The following ATM variants were observed in gnomAD, a reference collection of about 807,000 sequenced individuals.
The protein encoded by ATM is ATM serine/threonine kinase.
In ATM, 308 loss-of-function variants were observed where a neutral mutation model predicts 387.0. That is an observed-to-expected ratio of 0.80 (90% CI 0.73 to 0.87). The LOEUF is 0.87. Among genes scored for constraint, ATM ranks in the 40% least tolerant of loss-of-function variants. The probability of loss-of-function intolerance (pLI) is 0.00; values close to 1 mark genes in which losing one functional copy is unlikely to be tolerated. For synonymous variants in ATM, 1,156 were observed against 1,187.3 expected, an observed-to-expected ratio of 0.97 and a Z score of 0.54; for missense variants, 3,312 against 3,560.9, an observed-to-expected ratio of 0.93 and a Z score of 1.78.
At chr11:108,245,218 CCTTT>C (rs944961226) in intron 7 of ATM, among the ~76,000 whole-genome samples, 192 bp downstream of exon 7, 10 of 152,084 alleles carry the variant, frequency 6.6e-5, no homozygotes, top group Non-Finnish European at 1.2e-4. Context: ...TTCTGTTATG[CCTTT>C]CTATTTGTTC....
chr11:108,276,918 C>G (rs563651189), intron 22 of ATM, among the ~76,000 whole-genome samples: 14 of 152,318 alleles, frequency 9.2e-5, no homozygotes, highest in African/African-American at 2.9e-4. Context: ...CTATTCTCTT[C>G]AGAGCTGGCA....
intron 39 of ATM, among the ~76,000 whole-genome samples, chr11:108,311,293 C>A (rs76637316): frequency 6.6e-6 from 1 of 151,988 alleles, no homozygotes; most frequent in Non-Finnish European, 1.5e-5. Flanking sequence ...TTTTTTAAAG[C>A]GGTTATACCC....
chr11:108,332,925 G>T (rs1249429262), intron 53 of ATM, 25 bp downstream of exon 53: 1 of 1,604,636 alleles, frequency 6.2e-7, no homozygotes. Context: ...AAGAAGAAAC[G>T]TTACTTTCTT....
At chr11:108,259,151 A>G in intron 16 of ATM, 76 bp downstream of exon 16, 1 of 1,163,372 alleles carries the variant, frequency 8.6e-7, no homozygotes, top group Non-Finnish European at 1.3e-6. Context: ...ATCTTTGTAA[A>G]TAAGGATGCA....
rs1389602914 is a variant in ATM, at chr11:108,360,013, T to G, written c.8851-5069T>G. Among the ~76,000 whole-genome samples, 184 of 151,858 alleles carry G rather than the reference T, an allele frequency of 1.2e-3. 1 individual carries two copies. Among genetic ancestry groups the G allele is most frequent in the Non-Finnish European group, 8.7e-4 (59 of 67,872 alleles). On this transcript the variant is annotated intron_variant, in intron 61 of 62. Transcript: ENST00000675843. The stretch of plus-strand genomic sequence containing the variant: ...AAAAATTAATGAATCCAGGAGCTGG[T>G]TTTTTGAAAGGATCAACAAAATTGA...
chr11:108,266,446 G>T (rs2081244577), intron 16 of ATM, among the ~76,000 whole-genome samples: 1 of 144,406 alleles, frequency 6.9e-6, no homozygotes, highest in African/African-American at 2.6e-5. Flanking sequence ...GAGATCACAT[G>T]GACACAGGAA....
chr11:108,277,899 C>T (rs915210468), intron 22 of ATM, among the ~76,000 whole-genome samples: 1 of 152,086 alleles, frequency 6.6e-6, no homozygotes, highest in East Asian at 1.9e-4. Context: ...AATATATTTA[C>T]TTCTCCGTAT....
At chr11:108,342,332 C>T (rs989233216) in intron 56 of ATM, among the ~76,000 whole-genome samples, 2 of 152,034 alleles carry the variant, frequency 1.3e-5, no homozygotes, top group Non-Finnish European at 2.9e-5. Flanking sequence ...TAGTATATAG[C>T]TGTTAAAATG....
chr11:108,251,659 G>A (rs890523824), intron 10 of ATM, among the ~76,000 whole-genome samples, 178 bp from the exon 11 acceptor site: 6 of 152,166 alleles, frequency 3.9e-5, no homozygotes, highest in Non-Finnish European at 7.4e-5. Context: ...ACTATGCACT[G>A]TTAATAAACG....
intron 29 of ATM, 139 bp downstream of exon 29, chr11:108,289,940 C>A: frequency 1.4e-6 from 1 of 724,254 alleles, no homozygotes; most frequent in Non-Finnish European, 2.3e-6. Flanking sequence ...TCACTGCATC[C>A]TCAACCTCCT....
intron 5 of ATM, among the ~76,000 whole-genome samples, chr11:108,240,877 CTTT>C (rs1018910063): frequency 3.7e-4 from 56 of 152,220 alleles, no homozygotes; most frequent in African/African-American, 1.3e-3. Flanking sequence ...GCTACTATAA[CTTT>C]TTTACTTTAT....
At position 108,257,364 on chromosome 11, in the gene ATM, C is replaced by CT. The variant is rs4987959; in HGVS notation, c.2251-115dup. On this transcript the variant is annotated intron_variant, in intron 14 of 62. Transcript: ENST00000675843. ...CTTCTAAAAACATTTCATTTTTTCT[C>CT]TTAAGTGCACTTTATTTTTTATTTT... 2.1e-3 allele frequency: 2,614 copies of CT among 1,254,796 alleles called. 45 individuals carry two copies. In the African/African-American group the frequency reaches 0.035, roughly 17 times the overall value. 77.7% of individuals were successfully genotyped at this position (1,254,796 alleles called of 1,614,324 possible).
In ATM at chr11:108,299,602, G is replaced by T. The variant is rs535007513; in HGVS notation, c.5006-112G>T. On this transcript the variant is annotated intron_variant, in intron 33 of 62. Transcript: ENST00000675843. ...GTGAGCCACCGCACTCGGCCTTAAGGTTAATTCTTGAAGTACAGAAAAACA... is the reference window on the plus strand; with the variant it reads ...GTGAGCCACCGCACTCGGCCTTAAGTTTAATTCTTGAAGTACAGAAAAACA... The T allele has an allele frequency of 4.2e-5, 48 of 1,151,086 alleles. No homozygotes were observed. In the African/African-American group the frequency reaches 6.8e-4, roughly 16 times the overall value. 71.3% of individuals were successfully genotyped at this position (1,151,086 alleles called of 1,614,324 possible). A position where few individuals can be genotyped will look rare whatever the true frequency, so the allele number is the denominator to read the frequency against.
At chr11:108,268,038 C>T (rs1159779600) in intron 17 of ATM, among the ~76,000 whole-genome samples, 1 of 152,124 alleles carries the variant, frequency 6.6e-6, no homozygotes, top group African/African-American at 2.4e-5. Context: ...AAGTATTTTT[C>T]CAGGTAGTTG....
chr11:108,267,135 A>C (rs2081297474), intron 16 of ATM, 36 bp from the exon 17 acceptor site: 2 of 1,607,064 alleles, frequency 1.2e-6, no homozygotes, highest in East Asian at 2.2e-5. Context: ...TCCTGCAAGA[A>C]GCCATCTTGA....
Position 108,289,688 on chromosome 11 carries a change from A to G in ATM, c.4323A>G (p.Ile1441Met), listed in dbSNP as rs587779839. 1 of 1,613,580 alleles carries G rather than the reference A, an allele frequency of 6.2e-7. No homozygotes were observed. The highest frequency in any genetic ancestry group is 8.5e-7 in the Non-Finnish European group (1 of 1,179,822). Residue 1441 changes from isoleucine (I) to methionine (M), a missense_variant, in exon 29 of 63, where the codon ATA (isoleucine) becomes ATG (methionine). This residue lies in a region of ATM where 1,791 missense variants were observed against 1,804.5 expected (regional missense o/e 0.99). Transcript: ENST00000675843. ...NVYKKHRILKIYHLFVSLLLK... is the reference protein window; with the variant it reads ...NVYKKHRILKMYHLFVSLLLK... ...ATAAGAAGCACAGAATTCTTAAAAT[A>G]TATCACCTGTTTGTTAGTTTATTAC...
chr11:108,295,160 G>A (rs2135841392), intron 32 of ATM, 101 bp downstream of exon 32: 1 of 1,473,834 alleles, frequency 6.8e-7, no homozygotes. Context: ...ACTTAGTTCA[G>A]ACTCTCATCA....
At chr11:108,345,665 A>C in intron 57 of ATM, 78 bp from the exon 58 acceptor site, 1 of 1,217,012 alleles carries the variant, frequency 8.2e-7, no homozygotes, top group Non-Finnish European at 1.1e-6. Flanking sequence ...TATCTGTCAT[A>C]TTTTTATATA....
Position 108,310,333 on chromosome 11 carries a change from T to G in ATM, c.5918+18T>G. 6.2e-7 allele frequency: 1 copy of G among 1,609,962 alleles called. No individual in the cohort carries two copies. The highest frequency in any genetic ancestry group is 8.5e-7 in the Non-Finnish European group (1 of 1,177,228). Reference sequence around the variant, plus strand: ...GAGAAAAGGTAATGGAATTTAGAATTTTTGGTTTTTAAAATTAATGTTGGC... The same window carrying G: ...GAGAAAAGGTAATGGAATTTAGAATGTTTGGTTTTTAAAATTAATGTTGGC... On this transcript the variant is annotated intron_variant, in intron 39 of 62. Coordinates refer to ENST00000675843, the MANE Select transcript of ATM (RefSeq NM_000051.4).
Sources: gnomAD v4.1 joint callset for allele counts (sites outside exome capture counted in the v4.1 genomes callset) on GRCh38, gnomAD v4.1.1 for gene constraint, gnomAD v4.1.1 regional missense constraint, MANE v1.5 for transcripts, NCBI Gene and HGNC (gene_info 2026-07-23, HGNC 2026-07-21) for gene names.